GNAL: variants seen among roughly 807,000 people sequenced by gnomAD.
GNAL encodes G protein subunit alpha L.
Under a neutral mutation model 55.1 loss-of-function variants are expected in GNAL, and 18 were observed. The ratio of observed to expected loss-of-function variants is 0.33; its 90% CI spans 0.23 to 0.48. The LOEUF is 0.48. Ranked by LOEUF, GNAL falls within the 20% of genes least tolerant of loss-of-function variation. GNAL has a pLI of 0.99. For synonymous variants in GNAL, 253 were observed against 237.0 expected, an observed-to-expected ratio of 1.07 and a Z score of -0.62; for missense variants, 412 against 614.1, an observed-to-expected ratio of 0.67 and a Z score of 3.48.
intron 1 of GNAL, among the ~76,000 whole-genome samples, chr18:11,697,096 G>A (rs2031435622): frequency 6.6e-6 from 1 of 152,236 alleles, no homozygotes; most frequent in Admixed American, 6.5e-5. Context: ...CACATAATGA[G>A]ATCGCACATC....
At chr18:11,742,753 C>T (rs769512212) in intron 1 of GNAL, among the ~76,000 whole-genome samples, 2 of 152,212 alleles carry the variant, frequency 1.3e-5, no homozygotes, top group Non-Finnish European at 2.9e-5. Context: ...ACACCGGCCT[C>T]GGATGCCGCT....
intron 1 of GNAL, among the ~76,000 whole-genome samples, chr18:11,738,976 C>T (rs1022683827): frequency 6.6e-6 from 1 of 152,184 alleles, no homozygotes; most frequent in Non-Finnish European, 1.5e-5. Flanking sequence ...TAACATCTTA[C>T]TGCCTTATTT....
intron 4 of GNAL, among the ~76,000 whole-genome samples, chr18:11,760,618 G>A (rs1458627375): frequency 6.6e-6 from 1 of 152,164 alleles, no homozygotes; most frequent in Non-Finnish European, 1.5e-5. Flanking sequence ...TCTTGAATGG[G>A]AGTCACTGGG....
At chr18:11,782,043 G>T (rs748034017) in intron 4 of GNAL, among the ~76,000 whole-genome samples, 1 of 152,212 alleles carries the variant, frequency 6.6e-6, no homozygotes, top group Non-Finnish European at 1.5e-5. Context: ...TTGGCCAGGC[G>T]CAGTGGCTCA....
chr18:11,799,807 A>G (rs937118253), intron 4 of GNAL, among the ~76,000 whole-genome samples: 1 of 152,090 alleles, frequency 6.6e-6, no homozygotes, highest in African/African-American at 2.4e-5. Context: ...TGGACTGACA[A>G]TGGCACAGTT....
At chr18:11,824,241 A>C (rs1039713577) in intron 4 of GNAL, among the ~76,000 whole-genome samples, 12 of 116,240 alleles carry the variant, frequency 1.0e-4, no homozygotes, top group Admixed American at 3.1e-4. Context: ...TATAATATGC[A>C]TGTTTTTTTC....
intron 11 of GNAL, among the ~76,000 whole-genome samples, chr18:11,879,630 T>C (rs3786307): frequency 0.24 from 37,103 of 152,008 alleles, 5,023 homozygotes; most frequent in Non-Finnish European, 0.32. Context: ...TCTCCAAATA[T>C]AGTCACATCT....
intron 1 of GNAL, among the ~76,000 whole-genome samples, chr18:11,750,460 G>A (rs1199153913): frequency 6.6e-6 from 1 of 152,128 alleles, no homozygotes; most frequent in Non-Finnish European, 1.5e-5. Flanking sequence ...ACGTGTGTGG[G>A]TTGAGAGGCT....
rs183312390 is a variant in GNAL at position 11,752,798 on chromosome 18, G to T, written c.377-55G>T. 1 of 1,296,120 alleles carries T rather than the reference G, an allele frequency of 7.7e-7. No individual in the cohort carries two copies. Among genetic ancestry groups the T allele is most frequent in the East Asian group, 2.3e-5 (1 of 43,426 alleles). The allele number at this position is 1,296,120 out of a possible 1,614,324, so 80.3% of individuals were successfully genotyped here. On this transcript the variant is annotated intron_variant, in intron 1 of 11. Transcript: ENST00000334049. The surrounding 1 kb of genome is among the most constrained non-coding windows in gnomAD (Gnocchi z 4.5). ...ATTGCTCAGACCCGGCTAGTGGTGA[G>T]AGATGGCAGCGATATCCGGACACAG...
chr18:11,807,219 T>C (rs2034687828), intron 4 of GNAL, among the ~76,000 whole-genome samples: 2 of 152,092 alleles, frequency 1.3e-5, no homozygotes, highest in Non-Finnish European at 1.5e-5. Flanking sequence ...GCAAAGGACA[T>C]GGTCTCATTC....
At chr18:11,827,478 G>T (rs1160912009) in intron 5 of GNAL, among the ~76,000 whole-genome samples, 5 of 147,172 alleles carry the variant, frequency 3.4e-5, no homozygotes, top group Non-Finnish European at 5.9e-5. Context: ...GCCAGGCATG[G>T]TGCTGGACAC....
At chr18:11,725,413 C>T (rs890337959) in intron 1 of GNAL, among the ~76,000 whole-genome samples, 1 of 152,182 alleles carries the variant, frequency 6.6e-6, no homozygotes, top group African/African-American at 2.4e-5. Flanking sequence ...TGGCCTTGAA[C>T]TTCTAAGCTC....
chr18:11,851,935 C>T (rs377323477), intron 5 of GNAL: 1 of 1,613,958 alleles, frequency 6.2e-7, no homozygotes, highest in South Asian at 1.1e-5. Flanking sequence ...CACGACGACG[C>T]TCACCACTCC....
chr18:11,826,843 C>T (rs767759335), intron 5 of GNAL, among the ~76,000 whole-genome samples: 3 of 152,142 alleles, frequency 2.0e-5, no homozygotes, highest in Non-Finnish European at 1.5e-5. Context: ...GCCTGGAGCT[C>T]GGAAGAGAGG....
chr18:11,846,890 T>C (rs769325192), intron 5 of GNAL, among the ~76,000 whole-genome samples: 1 of 152,108 alleles, frequency 6.6e-6, no homozygotes, highest in Non-Finnish European at 1.5e-5. Context: ...GACAGTGACT[T>C]TGAAATTTCC....
At chr18:11,820,415 G>GTGTT (rs2035062216) in intron 4 of GNAL, among the ~76,000 whole-genome samples, 1 of 152,110 alleles carries the variant, frequency 6.6e-6, no homozygotes, top group South Asian at 2.1e-4. Flanking sequence ...CCTTTTCTAT[G>GTGTT]TGTTTATGTA....
chr18:11,860,295 A>G (rs2036103073), intron 5 of GNAL, among the ~76,000 whole-genome samples: 1 of 152,218 alleles, frequency 6.6e-6, no homozygotes. Context: ...AAGGCTGCCA[A>G]AATGTCATCC....
chr18:11,697,815 C>T lies in GNAL; in HGVS notation c.376+7876C>T, dbSNP rs189251009. Reference sequence around the variant, plus strand: ...GGAGGGAGAAGAGAACAGTGAGCTCCGGTCTAGATGTGTTGAGACTGAAGG... The same window carrying T: ...GGAGGGAGAAGAGAACAGTGAGCTCTGGTCTAGATGTGTTGAGACTGAAGG... On this transcript the variant is annotated intron_variant, in intron 1 of 11. Coordinates refer to ENST00000334049, the MANE Select transcript of GNAL (RefSeq NM_182978.4). Among the ~76,000 whole-genome samples the T allele has an allele frequency of 3.9e-5, 6 of 152,228 alleles. No homozygotes were observed. The South Asian group carries it at 8.3e-4, about 21-fold the overall frequency.
Position 11,689,556 on chromosome 18 carries a change from G to GCGCC in GNAL, c.-6_-3dup. Reference sequence around the variant, plus strand: ...TCCCGCGCGCCGCCCCCGCTGTGCCGCGCCCACATGGGTCTGTGCTACAGT... The same window carrying GCGCC: ...TCCCGCGCGCCGCCCCCGCTGTGCCGCGCCCGCCCACATGGGTCTGTGCTACAGT... On this transcript the variant is annotated 5_prime_UTR_variant, in exon 1 of 12. Coordinates refer to ENST00000334049, the MANE Select transcript of GNAL (RefSeq NM_182978.4). The GCGCC allele has an allele frequency of 8.1e-7, 1 of 1,235,902 alleles. No individual in the cohort carries two copies. Among genetic ancestry groups the GCGCC allele is most frequent in the Non-Finnish European group, 1.0e-6 (1 of 985,490 alleles). The allele number at this position is 1,235,902 out of a possible 1,614,324, so 76.6% of individuals were successfully genotyped here.
Sources: gnomAD v4.1 joint callset for allele counts (sites outside exome capture counted in the v4.1 genomes callset) on GRCh38, gnomAD v4.1.1 for gene constraint, Gnocchi (gnomAD v3.1) non-coding constraint, MANE v1.5 for transcripts, NCBI Gene and HGNC (gene_info 2026-07-23, HGNC 2026-07-21) for gene names.